RAPGEF4: variants seen among roughly 807,000 people sequenced by gnomAD.
RAPGEF4 encodes RAP guanine-nucleotide-exchange factor (GEF) 4.
A neutral mutation model predicts 147.9 loss-of-function variants in RAPGEF4; 66 were observed. The ratio of observed to expected loss-of-function variants is 0.45; its 90% CI spans 0.37 to 0.55. The LOEUF is 0.55. RAPGEF4 is among the 20% of genes least tolerant of loss of function. The pLI is 0.00. For missense variants in RAPGEF4, 1,071 were observed against 1,257.3 expected, an observed-to-expected ratio of 0.85 and a Z score of 2.24; for synonymous variants, 419 against 442.7, an observed-to-expected ratio of 0.95 and a Z score of 0.67.
intron 4 of RAPGEF4, among the ~76,000 whole-genome samples, chr2:172,858,817 C>T (rs1486799319): frequency 6.6e-6 from 1 of 152,106 alleles, no homozygotes; most frequent in African/African-American, 2.4e-5. Context: ...TCTAATCAGC[C>T]CTCTCAAGTT....
intron 1 of RAPGEF4, among the ~76,000 whole-genome samples, chr2:172,793,251 G>A (rs138165300): frequency 4.9e-4 from 75 of 152,216 alleles, no homozygotes; most frequent in African/African-American, 1.7e-3. Flanking sequence ...CCATAATCCA[G>A]TGTGACCTCA....
intron 14 of RAPGEF4, among the ~76,000 whole-genome samples, chr2:172,989,337 T>C (rs923700613): frequency 3.3e-5 from 5 of 152,222 alleles, no homozygotes; most frequent in Non-Finnish European, 7.3e-5. Flanking sequence ...GATTACATTT[T>C]ACTGAGAATT....
chr2:172,945,323 A>T (rs1049429964), intron 6 of RAPGEF4, among the ~76,000 whole-genome samples: 5 of 152,160 alleles, frequency 3.3e-5, no homozygotes, highest in Non-Finnish European at 7.4e-5. Context: ...CAAAGGCTTA[A>T]AAGGTTTCTT....
intron 1 of RAPGEF4, among the ~76,000 whole-genome samples, chr2:172,766,360 T>C (rs969095137): frequency 1.3e-5 from 2 of 152,116 alleles, no homozygotes; most frequent in Non-Finnish European, 2.9e-5. Context: ...GAGACCAGCC[T>C]AGCCAATACA....
intron 6 of RAPGEF4, among the ~76,000 whole-genome samples, chr2:172,926,760 C>T (rs1685409276): frequency 6.6e-6 from 1 of 152,028 alleles, no homozygotes; most frequent in Non-Finnish European, 1.5e-5. Context: ...TTAGTAGAGA[C>T]AAGGTTTCAC....
At chr2:172,851,104 C>T (rs1261987080) in intron 4 of RAPGEF4, among the ~76,000 whole-genome samples, 1 of 152,228 alleles carries the variant, frequency 6.6e-6, no homozygotes, top group Non-Finnish European at 1.5e-5. Context: ...CCTCTTAACA[C>T]AGCTTTAGCT....
Position 172,988,791 on chromosome 2 carries a change from C to T in RAPGEF4, c.1326C>T (p.Asn442=), listed in dbSNP as rs1216470855. 6.2e-7 allele frequency: 1 copy of T among 1,613,682 alleles called. No homozygotes were observed. Among genetic ancestry groups the T allele is most frequent in the Non-Finnish European group, 8.5e-7 (1 of 1,179,580 alleles). Residue 442 remains asparagine (N), a synonymous_variant, in exon 14 of 31, where the codon AAC becomes AAT. Coordinates refer to ENST00000397081, the MANE Select transcript of RAPGEF4 (RefSeq NM_007023.4). ...CCTCTATCGTCTTACGAGAAGATAA[C>T]TGCCATTTCTTAAGAGTAGACAAGG... ...RAASIVLRED[N]CHFLRVDKED... is the part of the protein sequence containing the mutation.
intron 4 of RAPGEF4, among the ~76,000 whole-genome samples, chr2:172,835,787 A>T (rs915508136): frequency 2.0e-5 from 3 of 152,242 alleles, no homozygotes; most frequent in African/African-American, 4.8e-5. Flanking sequence ...CAATTTTCAA[A>T]TAACAACAAT....
rs142094742 is a variant in RAPGEF4, at chr2:173,036,658, C to T, written c.2819C>T (p.Thr940Met). ...DMTFTHEGNK[T>M]FIDNLVNFEK... ...ACATTTACTCATGAGGGGAACAAGA[C>T]GTTCATTGACAATCTAGTAAACTTT... The change falls in exon 29 of 31, where the codon ACG (threonine) becomes ATG (methionine). Residue 940 changes from threonine (T) to methionine (M), a missense_variant. Coordinates refer to ENST00000397081, the MANE Select transcript of RAPGEF4 (RefSeq NM_007023.4). 65 of 1,610,960 alleles carry T rather than the reference C, an allele frequency of 4.0e-5. No homozygotes were observed. The highest frequency in any genetic ancestry group is 6.7e-5 in the East Asian group (3 of 44,826).
chr2:172,762,135 A>G (rs1482086107), intron 1 of RAPGEF4, among the ~76,000 whole-genome samples: 3 of 152,198 alleles, frequency 2.0e-5, no homozygotes, highest in Non-Finnish European at 4.4e-5. Flanking sequence ...ACAAACAAAA[A>G]ACAAACATGC....
chr2:172,805,617 C>G (rs1246024541), intron 3 of RAPGEF4, among the ~76,000 whole-genome samples: 4 of 152,182 alleles, frequency 2.6e-5, no homozygotes, highest in Non-Finnish European at 5.9e-5. Flanking sequence ...GTGTCCCAAC[C>G]TGGCTGACAT....
At position 172,983,265 on chromosome 2, in the gene RAPGEF4, A is replaced by C. The variant is rs182138922; in HGVS notation, c.1005-231A>C. Among the ~76,000 whole-genome samples the C allele has an allele frequency of 5.3e-5, 8 of 152,326 alleles. No individual in the cohort carries two copies. In the East Asian group the frequency reaches 1.5e-3, roughly 29 times the overall value. ...GAGATGCTCTTCCCTCTGAGATCAGAAGAGAAGGGATCCTGTGGACTTTGG... is the reference window on the plus strand; with the variant it reads ...GAGATGCTCTTCCCTCTGAGATCAGCAGAGAAGGGATCCTGTGGACTTTGG... On this transcript the variant is annotated intron_variant, in intron 10 of 30. Coordinates refer to ENST00000397081, the MANE Select transcript of RAPGEF4 (RefSeq NM_007023.4).
At chr2:172,801,338 C>G (rs185496597) in intron 3 of RAPGEF4, among the ~76,000 whole-genome samples, 24 of 152,296 alleles carry the variant, frequency 1.6e-4, no homozygotes, top group African/African-American at 5.3e-4. Context: ...TCAAGTCTTT[C>G]AGGGAGGATG....
intron 4 of RAPGEF4, among the ~76,000 whole-genome samples, chr2:172,830,011 A>G (rs1328922868): frequency 6.6e-6 from 1 of 152,086 alleles, no homozygotes; most frequent in East Asian, 1.9e-4. Flanking sequence ...GCACACATAT[A>G]AATTATGATT....
chr2:172,836,551 T>C (rs1199216735), intron 4 of RAPGEF4, among the ~76,000 whole-genome samples: 1 of 152,188 alleles, frequency 6.6e-6, no homozygotes, highest in African/African-American at 2.4e-5. Flanking sequence ...TGTCCTGAGG[T>C]GTGGCGTCCT....
At chr2:172,922,693 G>A (rs1054313132) in intron 6 of RAPGEF4, among the ~76,000 whole-genome samples, 3 of 152,194 alleles carry the variant, frequency 2.0e-5, no homozygotes, top group African/African-American at 7.2e-5. Flanking sequence ...TGATGAATTT[G>A]TCTAATTATA....
Position 172,941,529 on chromosome 2 carries a change from C to CAAAAA in RAPGEF4, c.537+19229_537+19230insAAAAA, listed in dbSNP as rs1196241910. Among the ~76,000 whole-genome samples the CAAAAA allele has an allele frequency of 2.0e-5, 3 of 152,188 alleles. No individual in the cohort carries two copies. In the East Asian group the frequency reaches 5.8e-4, roughly 29 times the overall value. On this transcript the variant is annotated intron_variant, in intron 6 of 30. Coordinates refer to ENST00000397081, the MANE Select transcript of RAPGEF4 (RefSeq NM_007023.4). ...AATCCATGGAAAGTTCTTATTGCCACGTCTGACAAAAAGTAAGCACTTGAT... is the reference window on the plus strand; with the variant it reads ...AATCCATGGAAAGTTCTTATTGCCACAAAAAGTCTGACAAAAAGTAAGCACTTGAT...
chr2:172,881,481 A>G (rs1001399089), intron 4 of RAPGEF4, among the ~76,000 whole-genome samples: 1 of 152,230 alleles, frequency 6.6e-6, no homozygotes, highest in African/African-American at 2.4e-5. Context: ...TCTATTTTCT[A>G]TTCTACAGTT....
chr2:172,983,063 G>A (rs1012365930), intron 10 of RAPGEF4, among the ~76,000 whole-genome samples: 1 of 152,188 alleles, frequency 6.6e-6, no homozygotes, highest in Non-Finnish European at 1.5e-5. Flanking sequence ...GCTAGGCTAA[G>A]ATAGTACACA....
Sources: allele counts gnomAD v4.1 joint callset (sites outside exome capture counted in the v4.1 genomes callset), GRCh38; gene constraint gnomAD v4.1.1; transcripts MANE v1.5; gene names NCBI Gene and HGNC (gene_info 2026-07-23, HGNC 2026-07-21).